MTM1: variants seen among roughly 807,000 people sequenced by gnomAD.
MTM1 encodes myotubularin.
A neutral mutation model predicts 52.1 loss-of-function variants in MTM1; 9 were observed. The ratio of observed to expected loss-of-function variants is 0.17; its 90% CI spans 0.10 to 0.30. The LOEUF (loss-of-function observed/expected upper bound fraction) is 0.30, where lower values mean the gene tolerates loss of function less well. MTM1 is among the 10% of genes least tolerant of loss of function. The probability of loss-of-function intolerance (pLI) is 1.00; values close to 1 mark genes in which losing one functional copy is unlikely to be tolerated. For synonymous variants in MTM1, 136 were observed against 163.8 expected (o/e 0.83, Z 1.29); for missense variants, 277 against 470.7 (o/e 0.59, Z 3.81).
intron 4 of MTM1, among the ~76,000 whole-genome samples, chrX:150,610,078 C>T (rs1362304375): frequency 1.8e-5 from 2 of 112,026 alleles, no homozygotes; most frequent in African/African-American, 3.2e-5. Flanking sequence ...GTGACTCTTA[C>T]TTGCTTCTCA....
chrX:150,617,596 C>CT (rs1419741570), intron 5 of MTM1, among the ~76,000 whole-genome samples: 1 of 112,134 alleles, frequency 8.9e-6, no homozygotes, highest in African/African-American at 3.2e-5. Flanking sequence ...ATCTCAAGTT[C>CT]TTTATTAGTG....
chrX:150,609,410 G>A (rs1569565421), intron 4 of MTM1, among the ~76,000 whole-genome samples: 1 of 111,302 alleles, frequency 9.0e-6, no homozygotes, highest in Admixed American at 9.5e-5. Flanking sequence ...TGCCAGGGGT[G>A]ACTTCTAGGT....
intron 1 of MTM1, among the ~76,000 whole-genome samples, chrX:150,569,554 G>T (rs2038329157): frequency 9.0e-6 from 1 of 111,687 alleles, no homozygotes; most frequent in Non-Finnish European, 1.9e-5. Context: ...TTTGTTTCCT[G>T]GATGGGGGAA....
intron 1 of MTM1, among the ~76,000 whole-genome samples, chrX:150,576,650 C>T (rs1478318298): frequency 9.0e-6 from 1 of 111,593 alleles, no homozygotes; most frequent in Non-Finnish European, 1.9e-5. Context: ...TTCTTTCCCC[C>T]CCGTAGATGA....
At chrX:150,655,105 C>G (rs1223728658) in intron 10 of MTM1, among the ~76,000 whole-genome samples, 9 of 110,321 alleles carry the variant, frequency 8.2e-5, no homozygotes, top group Non-Finnish European at 1.9e-5. Flanking sequence ...GCGGGAGGAT[C>G]ACGAGGTCAG....
At chrX:150,642,978 T>G in intron 8 of MTM1, among the ~76,000 whole-genome samples, 1 of 111,920 alleles carries the variant, frequency 8.9e-6, no homozygotes, top group Non-Finnish European at 1.9e-5. Flanking sequence ...CACCAATTTG[T>G]ATTTATTTTT....
chrX:150,564,231 AT>A (rs1485321388), upstream of MTM1, among the ~76,000 whole-genome samples: 1 of 112,062 alleles, frequency 8.9e-6, no homozygotes, highest in African/African-American at 3.2e-5. Flanking sequence ...TTAGCATGAT[AT>A]TTTTGAGATT....
intron 4 of MTM1, among the ~76,000 whole-genome samples, chrX:150,608,853 G>C (rs1557412906): frequency 9.1e-6 from 1 of 110,452 alleles, no homozygotes; most frequent in East Asian, 2.8e-4. Flanking sequence ...TTTTTGAGAT[G>C]AAGTCTCGCT....
At chrX:150,584,977 C>T (rs2038757295) in intron 1 of MTM1, among the ~76,000 whole-genome samples, 1 of 109,886 alleles carries the variant, frequency 9.1e-6, no homozygotes, top group Non-Finnish European at 1.9e-5. Context: ...TATTTTTGAT[C>T]CGCAGTTGGT....
At chrX:150,639,057 T>G (rs1199370823) in intron 7 of MTM1, 31 bp downstream of exon 7, 1 of 1,044,470 alleles carries the variant, frequency 9.6e-7, no homozygotes, top group African/African-American at 1.8e-5. Context: ...GTCTGGTATG[T>G]GATGAACCTG....
intron 6 of MTM1, among the ~76,000 whole-genome samples, chrX:150,623,311 G>A (rs1557413336): frequency 9.0e-6 from 1 of 111,518 alleles, no homozygotes; most frequent in Admixed American, 9.5e-5. Context: ...GACCCTAACT[G>A]ACCTGCTTAA....
chrX:150,634,927 G>A (rs2039730757), intron 6 of MTM1, among the ~76,000 whole-genome samples: 1 of 111,752 alleles, frequency 8.9e-6, no homozygotes, highest in African/African-American at 3.3e-5. Context: ...GAATCCTTAG[G>A]CTACATTCCT....
chrX:150,661,705 C>T (rs782053149), intron 13 of MTM1, among the ~76,000 whole-genome samples: 4 of 111,388 alleles, frequency 3.6e-5, no homozygotes, highest in Non-Finnish European at 7.5e-5. Flanking sequence ...CACATGATTT[C>T]CCTTATGTGT....
chrX:150,611,365 G>A (rs2039273378), intron 4 of MTM1, among the ~76,000 whole-genome samples: 1 of 112,533 alleles, frequency 8.9e-6, no homozygotes, highest in Non-Finnish European at 1.9e-5. Context: ...ATGTGACTGA[G>A]TGATAGTAAC....
intron 1 of MTM1, among the ~76,000 whole-genome samples, chrX:150,578,232 C>CA (rs1157273285): frequency 2.7e-5 from 3 of 112,086 alleles, no homozygotes; most frequent in African/African-American, 9.7e-5. Flanking sequence ...AAAGGAACTG[C>CA]AGGTGGTCTC....
intron 9 of MTM1, among the ~76,000 whole-genome samples, chrX:150,647,171 T>C (rs897881434): frequency 1.1e-4 from 10 of 95,051 alleles, no homozygotes; most frequent in African/African-American, 4.3e-4. Flanking sequence ...GTACCTATTA[T>C]CTTTCATATA....
intron 1 of MTM1, among the ~76,000 whole-genome samples, chrX:150,586,672 A>G (rs1486673930): frequency 1.8e-5 from 2 of 111,119 alleles, no homozygotes; most frequent in Non-Finnish European, 1.9e-5. Context: ...GCACCACAGG[A>G]GGAGGCCGAT....
Position 150,649,702 on chromosome X carries a change from A to G in MTM1, c.868-14A>G, listed in dbSNP as rs2039987952. On this transcript the variant is annotated splice_polypyrimidine_tract_variant and intron_variant, in intron 9 of 14. Transcript: ENST00000370396. ...AAACTCAACTGATTGTTTGTATTTCATGTTGTTTCTTAGGCAACAGGAGGA... is the reference window on the plus strand; with the variant it reads ...AAACTCAACTGATTGTTTGTATTTCGTGTTGTTTCTTAGGCAACAGGAGGA... 7 of 1,193,646 alleles carry G rather than the reference A, an allele frequency of 5.9e-6. No homozygotes were observed. The highest frequency in any genetic ancestry group is 5.2e-5 in the African/African-American group (3 of 57,528).
intron 6 of MTM1, among the ~76,000 whole-genome samples, chrX:150,631,052 G>A (rs1430863093): frequency 2.7e-5 from 3 of 111,933 alleles, no homozygotes; most frequent in Non-Finnish European, 5.6e-5. Flanking sequence ...GTGTTTATTG[G>A]GGCTGGCCAT....
Sources: allele counts gnomAD v4.1 joint callset (sites outside exome capture counted in the v4.1 genomes callset), GRCh38; gene constraint gnomAD v4.1.1; transcripts MANE v1.5; gene names NCBI Gene and HGNC (gene_info 2026-07-23, HGNC 2026-07-21).